LINGO1: variants seen among roughly 807,000 people sequenced by gnomAD.
LINGO1 encodes the protein leucine rich repeat and Ig domain containing 1.
A neutral mutation model predicts 37.3 loss-of-function variants in LINGO1; 11 were observed. The observed-to-expected ratio is 0.29, with a 90% CI of 0.19 to 0.49. The LOEUF (loss-of-function observed/expected upper bound fraction) is 0.49, where lower values mean the gene tolerates loss of function less well. Among genes scored for constraint, LINGO1 ranks in the 20% least tolerant of loss-of-function variants. LINGO1 has a pLI of 0.99. For missense variants in LINGO1, 585 were observed against 878.2 expected (o/e 0.67, Z 4.22); for synonymous variants, 387 against 403.0 (o/e 0.96, Z 0.48).
At chr15:77,647,793 C>T (rs764045506) in intron 3 of LINGO1, 5 of 450,620 alleles carry the variant, frequency 1.1e-5, no homozygotes, top group East Asian at 7.0e-5. Context: ...CTCTTCTTTC[C>T]TTGTCTCTCT....
intron 2 of LINGO1, among the ~76,000 whole-genome samples, chr15:77,730,298 G>C (rs2141330050): frequency 6.6e-6 from 1 of 152,284 alleles, no homozygotes; most frequent in Non-Finnish European, 1.5e-5. Context: ...TAACAGCCCT[G>C]TGAGGTGGGT....
At chr15:77,655,990 G>C (rs529860678) in intron 3 of LINGO1, among the ~76,000 whole-genome samples, 1 of 152,350 alleles carries the variant, frequency 6.6e-6, no homozygotes, top group East Asian at 1.9e-4. Context: ...CTCAGGTTAG[G>C]GTGGACTCCT....
chr15:77,715,424 C>T (rs1008775814), intron 2 of LINGO1, among the ~76,000 whole-genome samples: 1 of 152,124 alleles, frequency 6.6e-6, no homozygotes, highest in African/African-American at 2.4e-5. Flanking sequence ...TAGTGAGCTC[C>T]CTATCACCAG....
chr15:77,622,636 G>A (rs1481023901), intron 1 of LINGO1, among the ~76,000 whole-genome samples: 4 of 152,206 alleles, frequency 2.6e-5, no homozygotes, highest in Non-Finnish European at 5.9e-5. Context: ...TGCGGGATCC[G>A]TTTCAGGAAA....
At chr15:77,818,315 C>G (rs2141491296) in intron 1 of LINGO1, among the ~76,000 whole-genome samples, 1 of 152,366 alleles carries the variant, frequency 6.6e-6, no homozygotes, top group South Asian at 2.1e-4. Flanking sequence ...AGCTTTCCAT[C>G]CCATCTTCCA....
intron 3 of LINGO1, among the ~76,000 whole-genome samples, chr15:77,664,129 C>CTGTGTG (rs2075059930): frequency 2.2e-5 from 2 of 91,246 alleles, no homozygotes; most frequent in African/African-American, 4.6e-5. Flanking sequence ...CACACAGGAG[C>CTGTGTG]AGTGTGTGTG....
At chr15:77,671,146 C>G (rs2141204536) in intron 3 of LINGO1, among the ~76,000 whole-genome samples, 1 of 128,320 alleles carries the variant, frequency 7.8e-6, no homozygotes, top group Admixed American at 8.0e-5. Context: ...TACAAGGGAA[C>G]AGCGGGACTT....
chr15:77,788,744 C>A (rs1307346864), upstream of LINGO1: 1 of 152,244 alleles, frequency 6.6e-6, no homozygotes, highest in Non-Finnish European at 1.5e-5. Context: ...AACAGGCAGG[C>A]AGACTAGTCC....
chr15:77,646,315 G>C (rs1010886529), intron 3 of LINGO1: 11 of 367,344 alleles, frequency 3.0e-5, no homozygotes, highest in African/African-American at 2.3e-4. Context: ...CGGGGAACCC[G>C]GACCTACATG....
chr15:77,692,655 G>A (rs371128745), intron 1 of LINGO1, among the ~76,000 whole-genome samples: 1 of 152,102 alleles, frequency 6.6e-6, no homozygotes, highest in Admixed American at 6.5e-5. Flanking sequence ...CCAATTTCCC[G>A]ACCTGGGACC....
intron 1 of LINGO1, among the ~76,000 whole-genome samples, chr15:77,630,247 C>A (rs780971361): frequency 2.0e-5 from 3 of 152,094 alleles, no homozygotes; most frequent in Non-Finnish European, 2.9e-5. Context: ...CTCCGTGGGA[C>A]CCTGCACGAA....
chr15:77,784,455 G>A (rs1047505310), intron 1 of LINGO1, among the ~76,000 whole-genome samples: 1 of 152,266 alleles, frequency 6.6e-6, no homozygotes, highest in African/African-American at 2.4e-5. Flanking sequence ...AGGCAGCAAA[G>A]GTAGCTTCCC....
At chr15:77,627,323 C>G (rs1596006564) in intron 1 of LINGO1, among the ~76,000 whole-genome samples, 1 of 152,098 alleles carries the variant, frequency 6.6e-6, no homozygotes, top group Non-Finnish European at 1.5e-5. Flanking sequence ...GTTGGTGTAC[C>G]AGGCTGGCAA....
At position 77,632,493 on chromosome 15, in the gene LINGO1, G is replaced by A. The variant is rs930435811; in HGVS notation, c.-178C>T. ...CTGTCCGTCTGTCCGCCCCGCGCGG[G>A]CGGGAGCCGAGCCGGAGCCGGGGCC... On this transcript the variant is annotated 5_prime_UTR_variant, in exon 1 of 2. Coordinates refer to ENST00000355300, the MANE Select transcript of LINGO1 (RefSeq NM_032808.7). The surrounding 1 kb of genome is among the most constrained non-coding windows in gnomAD (Gnocchi z 6.0). The A allele has an allele frequency of 7.4e-6, 4 of 539,808 alleles. No individual in the cohort carries two copies. The allele number at this position is 539,808 out of a possible 1,614,324, so 33.4% of individuals were successfully genotyped here.
chr15:77,782,665 A>G (rs976817511), intron 1 of LINGO1, among the ~76,000 whole-genome samples: 1 of 150,786 alleles, frequency 6.6e-6, no homozygotes, highest in Non-Finnish European at 1.5e-5. Flanking sequence ...CAGGACTCTC[A>G]GCCTTCCCAC....
In LINGO1 at chr15:77,632,263, G is replaced by A. The variant is rs1310997656; in HGVS notation, c.6+47C>T. On this transcript the variant is annotated intron_variant, in intron 1 of 1. Coordinates refer to ENST00000355300, the MANE Select transcript of LINGO1 (RefSeq NM_032808.7). The surrounding 1 kb of genome is among the most constrained non-coding windows in gnomAD (Gnocchi z 6.0). ...CCGATGGCGGCCCCCAGGGGCACTC[G>A]CCGCGGGGCTGCCCGCTCGGGGCTC... 1 of 1,349,896 alleles carries A rather than the reference G, an allele frequency of 7.4e-7. No individual in the cohort carries two copies. Among genetic ancestry groups the A allele is most frequent in the South Asian group, 1.8e-5 (1 of 54,074 alleles). 83.6% of individuals were successfully genotyped at this position (1,349,896 alleles called of 1,614,324 possible).
chr15:77,716,294 T>A (rs2075984031), intron 2 of LINGO1, among the ~76,000 whole-genome samples: 1 of 145,550 alleles, frequency 6.9e-6, no homozygotes. Context: ...TTTTTTTTTT[T>A]TTTTGAGACA....
intron 1 of LINGO1, among the ~76,000 whole-genome samples, chr15:77,766,405 A>C (rs2076531181): frequency 6.6e-6 from 1 of 150,520 alleles, no homozygotes; most frequent in Non-Finnish European, 1.5e-5. Context: ...CATTTTCCGC[A>C]AAAAAAACTC....
At chr15:77,692,100 C>T (rs1047579615) in intron 1 of LINGO1, among the ~76,000 whole-genome samples, 12 of 152,374 alleles carry the variant, frequency 7.9e-5, no homozygotes, top group Non-Finnish European at 1.6e-4. Flanking sequence ...ATGATGGCAG[C>T]ATTACGGCTG....
Sources: allele counts gnomAD v4.1 joint callset (sites outside exome capture counted in the v4.1 genomes callset), GRCh38; gene constraint gnomAD v4.1.1; non-coding constraint Gnocchi (gnomAD v3.1); transcripts MANE v1.5; gene names NCBI Gene and HGNC (gene_info 2026-07-23, HGNC 2026-07-21).